Variants in NCAM1 observed in about 807,000 individuals in gnomAD.
NCAM1 encodes the protein antigen recognized by monoclonal antibody 5.1H11.
In NCAM1, 14 loss-of-function variants were observed where a neutral mutation model predicts 109.8. The observed-to-expected ratio is 0.13, with a 90% CI of 0.08 to 0.20. The LOEUF (loss-of-function observed/expected upper bound fraction) is 0.20. Ranked by LOEUF, NCAM1 falls within the 10% of genes least tolerant of loss-of-function variation. The probability of loss-of-function intolerance (pLI) is 1.00; values close to 1 mark genes in which losing one functional copy is unlikely to be tolerated. For synonymous variants in NCAM1, 418 were observed against 442.9 expected (o/e 0.94, Z 0.70); for missense variants, 774 against 1,109.9 (o/e 0.70, Z 4.30).
chr11:112,969,037 G>T (rs1232132349), intron 1 of NCAM1, among the ~76,000 whole-genome samples: 1 of 152,136 alleles, frequency 6.6e-6, no homozygotes, highest in Non-Finnish European at 1.5e-5. Flanking sequence ...ATAAACAGAG[G>T]CATGAAGTAA....
At chr11:112,990,005 G>A (rs1951414828) in intron 1 of NCAM1, among the ~76,000 whole-genome samples, 1 of 152,240 alleles carries the variant, frequency 6.6e-6, no homozygotes, top group Non-Finnish European at 1.5e-5. Flanking sequence ...GTTTTAATGG[G>A]GTTGGAGCTG....
chr11:113,117,352 C>T (rs1223088411), intron 1 of NCAM1, among the ~76,000 whole-genome samples: 1 of 151,910 alleles, frequency 6.6e-6, no homozygotes, highest in Non-Finnish European at 1.5e-5. Context: ...CATGTCCTGC[C>T]TTCAGGTAAG....
intron 9 of NCAM1, among the ~76,000 whole-genome samples, chr11:113,226,385 C>A (rs1321038824): frequency 2.0e-5 from 3 of 152,200 alleles, no homozygotes; most frequent in African/African-American, 7.2e-5. Flanking sequence ...AGCTAACTAA[C>A]CTAAATATAT....
At chr11:113,228,958 T>G (rs1355381110) in intron 9 of NCAM1, among the ~76,000 whole-genome samples, 1 of 152,118 alleles carries the variant, frequency 6.6e-6, no homozygotes, top group Non-Finnish European at 1.5e-5. Context: ...ACTTAAATGT[T>G]AGACCTAAAA....
chr11:113,135,588 G>A (rs565190061), intron 1 of NCAM1, among the ~76,000 whole-genome samples: 1 of 152,298 alleles, frequency 6.6e-6, no homozygotes, highest in African/African-American at 2.4e-5. Context: ...TTTAGTGTTA[G>A]TGGCAGTTTA....
intron 1 of NCAM1, among the ~76,000 whole-genome samples, chr11:113,193,719 TGAGAA>T (rs1163761142): frequency 6.6e-6 from 1 of 151,654 alleles, no homozygotes; most frequent in African/African-American, 2.4e-5. Context: ...GGAAAAGAAA[TGAGAA>T]AAGAGAACTG....
intron 1 of NCAM1, among the ~76,000 whole-genome samples, chr11:113,107,543 G>A (rs781956200): frequency 5.9e-5 from 9 of 152,132 alleles, no homozygotes; most frequent in Admixed American, 1.3e-4. Context: ...TGTCTGGGGA[G>A]ACCTCACAAT....
At position 113,266,196 on chromosome 11, in the gene NCAM1, T is replaced by C. The variant is rs933607655; in HGVS notation, c.2132-3992T>C. ...GAGATGGCCTTTGTTCTTCTAGTTATCTTGGACTAAACAATTCTGTGATAG... is the reference window on the plus strand; with the variant it reads ...GAGATGGCCTTTGTTCTTCTAGTTACCTTGGACTAAACAATTCTGTGATAG... On this transcript the variant is annotated intron_variant, in intron 17 of 19. Transcript: ENST00000316851. Among the ~76,000 whole-genome samples the C allele has an allele frequency of 4.6e-5, 7 of 152,236 alleles. No homozygotes were observed. In the East Asian group the frequency reaches 1.2e-3, roughly 25 times the overall value.
At chr11:112,998,810 T>G (rs1951667305) in intron 1 of NCAM1, among the ~76,000 whole-genome samples, 1 of 152,194 alleles carries the variant, frequency 6.6e-6, no homozygotes, top group South Asian at 2.1e-4. Flanking sequence ...TACTTTCTCA[T>G]CCAGAACATT....
chr11:113,142,658 G>C (rs1941871752), intron 1 of NCAM1, among the ~76,000 whole-genome samples: 1 of 152,084 alleles, frequency 6.6e-6, no homozygotes, highest in Non-Finnish European at 1.5e-5. Context: ...GTCCCCCTTT[G>C]CTGTGTTTAT....
At chr11:113,046,095 C>T (rs1953258095) in intron 1 of NCAM1, among the ~76,000 whole-genome samples, 1 of 152,216 alleles carries the variant, frequency 6.6e-6, no homozygotes, top group East Asian at 1.9e-4. Context: ...CACAGGAGTG[C>T]CCATTAGCCT....
intron 5 of NCAM1, among the ~76,000 whole-genome samples, 154 bp downstream of exon 5, chr11:113,206,334 ATTTCT>A (rs1396800609): frequency 7.2e-6 from 1 of 139,632 alleles, no homozygotes; most frequent in Non-Finnish European, 1.5e-5. Context: ...TAACATCTAG[ATTTCT>A]TTTTTTTTTT....
intron 1 of NCAM1, among the ~76,000 whole-genome samples, chr11:113,122,396 A>T (rs1328972663): frequency 1.3e-5 from 2 of 152,190 alleles, no homozygotes; most frequent in Non-Finnish European, 2.9e-5. Context: ...ATTGTCACTC[A>T]AGTGCCTAAA....
chr11:113,080,209 G>A (rs1555086903), intron 1 of NCAM1, among the ~76,000 whole-genome samples: 1 of 152,118 alleles, frequency 6.6e-6, no homozygotes, highest in East Asian at 1.9e-4. Context: ...ACCCTATTGA[G>A]TTAGTAATAT....
At chr11:113,190,804 G>A (rs1299835126) in intron 1 of NCAM1, among the ~76,000 whole-genome samples, 1 of 152,178 alleles carries the variant, frequency 6.6e-6, no homozygotes, top group African/African-American at 2.4e-5. Flanking sequence ...GACAGTGGTT[G>A]TGGGGGTGGG....
intron 1 of NCAM1, among the ~76,000 whole-genome samples, chr11:113,092,020 G>C (rs963865338): frequency 6.6e-6 from 1 of 151,402 alleles, no homozygotes; most frequent in East Asian, 2.0e-4. Flanking sequence ...GAGGCAGCAA[G>C]ATTTATTTCC....
chr11:113,202,066 G>C (rs570829873), intron 1 of NCAM1, among the ~76,000 whole-genome samples: 106 of 152,296 alleles, frequency 7.0e-4, no homozygotes, highest in African/African-American at 2.4e-3. Flanking sequence ...CAAGGGGTTG[G>C]AAACATTTAG....
At chr11:113,009,090 T>C (rs1555073821) in intron 1 of NCAM1, among the ~76,000 whole-genome samples, 1 of 152,148 alleles carries the variant, frequency 6.6e-6, no homozygotes, top group African/African-American at 2.4e-5. Flanking sequence ...AAACTGAGCC[T>C]TGAACTCAGT....
At chr11:113,103,683 A>C (rs1939985436) in intron 1 of NCAM1, among the ~76,000 whole-genome samples, 1 of 152,132 alleles carries the variant, frequency 6.6e-6, no homozygotes, top group Non-Finnish European at 1.5e-5. Flanking sequence ...GATAGGCTAG[A>C]CAAGGGGTCC....
Sources: allele counts gnomAD v4.1 joint callset (sites outside exome capture counted in the v4.1 genomes callset), GRCh38; gene constraint gnomAD v4.1.1; transcripts MANE v1.5; gene names NCBI Gene and HGNC (gene_info 2026-07-23, HGNC 2026-07-21).